Variants in ANKRD17 observed in about 807,000 individuals in gnomAD.
ANKRD17 encodes the protein ankyrin repeat domain 17, also known as ankyrin repeat domain-containing protein 17.
Under a neutral mutation model 229.7 loss-of-function variants are expected in ANKRD17, and 19 were observed. The observed-to-expected ratio is 0.08, with a 90% CI of 0.06 to 0.12. The LOEUF is 0.12. Among genes scored for constraint, ANKRD17 ranks in the 10% least tolerant of loss-of-function variants. The pLI is 1.00. For synonymous variants in ANKRD17, 1,112 were observed against 1,146.1 expected (o/e 0.97, Z 0.60); for missense variants, 2,176 against 3,176.8 (o/e 0.68, Z 7.57).
intron 1 of ANKRD17, among the ~76,000 whole-genome samples, chr4:73,256,329 A>G (rs926573897): frequency 3.3e-5 from 5 of 152,244 alleles, no homozygotes; most frequent in African/African-American, 7.2e-5. Context: ...GCAGCAGAAT[A>G]TCCCAGTAAG....
At chr4:73,211,601 CT>C (rs900067854) in intron 1 of ANKRD17, among the ~76,000 whole-genome samples, 18 of 152,154 alleles carry the variant, frequency 1.2e-4, no homozygotes, top group African/African-American at 3.6e-4. Flanking sequence ...AATCTCAGCA[CT>C]TTGGGAGGCC....
chr4:73,152,830 G>A (rs906617639), intron 6 of ANKRD17, among the ~76,000 whole-genome samples: 1 of 152,166 alleles, frequency 6.6e-6, no homozygotes, highest in Admixed American at 6.5e-5. Flanking sequence ...ACAGGATTGG[G>A]GAAGGGAACT....
At chr4:73,124,786 A>G in intron 18 of ANKRD17, 127 bp downstream of exon 18, 1 of 1,180,156 alleles carries the variant, frequency 8.5e-7, no homozygotes, top group Non-Finnish European at 1.2e-6. Context: ...GTTAATAGAT[A>G]ATAGTTTCAG....
chr4:73,174,153 T>C (rs1054082489), intron 2 of ANKRD17, among the ~76,000 whole-genome samples: 3 of 101,998 alleles, frequency 2.9e-5, no homozygotes, highest in Non-Finnish European at 7.1e-5. Flanking sequence ...AAACTACAGA[T>C]CCCTGATGAA....
At position 73,094,077 on chromosome 4, in the gene ANKRD17, G is replaced by A; in HGVS notation, c.5327+2C>T. 6.2e-7 allele frequency: 1 copy of A among 1,613,176 alleles called. No individual in the cohort carries two copies. The highest frequency in any genetic ancestry group is 1.1e-5 in the South Asian group (1 of 91,010). On this transcript the variant is annotated splice_donor_variant, in intron 28 of 33. Coordinates refer to ENST00000358602, the MANE Select transcript of ANKRD17 (RefSeq NM_032217.5). LOFTEE classifies it low-confidence loss of function (GC_TO_GT_DONOR). ...AAGAAAATGTAAGAGACAAAGTTTTGCCTTATAGTGATTATCCGGTCTCCA... is the reference window on the plus strand; with the variant it reads ...AAGAAAATGTAAGAGACAAAGTTTTACCTTATAGTGATTATCCGGTCTCCA...
chr4:73,209,406 C>A (rs546875959), intron 1 of ANKRD17, among the ~76,000 whole-genome samples: 130 of 152,214 alleles, frequency 8.5e-4, no homozygotes, highest in Middle Eastern at 6.8e-3. Flanking sequence ...ACACCACAGA[C>A]TGAAATTGAC....
rs1246392545 is a variant in ANKRD17 at position 73,075,795 on chromosome 4, C to CA, written c.*435dup. The CA allele has an allele frequency of 6.4e-6, 1 of 155,108 alleles. No homozygotes were observed. The highest frequency in any genetic ancestry group is 2.4e-5 in the African/African-American group (1 of 41,488). The allele number at this position is 155,108 out of a possible 1,614,324, so 9.6% of individuals were successfully genotyped here. On this transcript the variant is annotated 3_prime_UTR_variant, in exon 34 of 34. Transcript: ENST00000358602. ...ACATAAAGTAGAGCCTCTATACTGACATATTGAAATTTACTTTCTGCTTAG... is the reference window on the plus strand; with the variant it reads ...ACATAAAGTAGAGCCTCTATACTGACAATATTGAAATTTACTTTCTGCTTAG...
chr4:73,205,378 A>T (rs1229471269), intron 1 of ANKRD17, among the ~76,000 whole-genome samples: 5 of 152,194 alleles, frequency 3.3e-5, no homozygotes, highest in Admixed American at 1.3e-4. Flanking sequence ...CCAAAACTGC[A>T]TGACACTAGC....
intron 1 of ANKRD17, among the ~76,000 whole-genome samples, chr4:73,229,676 G>GAGAGA (rs1742864313): frequency 6.7e-6 from 1 of 149,952 alleles, no homozygotes; most frequent in Non-Finnish European, 1.5e-5. Flanking sequence ...AGGTGGAGAA[G>GAGAGA]AGAGAAGAAT....
intron 27 of ANKRD17, among the ~76,000 whole-genome samples, chr4:73,094,594 A>T (rs920948420): frequency 3.9e-5 from 6 of 151,954 alleles, no homozygotes. Flanking sequence ...CACGCTAATT[A>T]TGAAAACACC....
intron 1 of ANKRD17, among the ~76,000 whole-genome samples, chr4:73,220,006 T>TG (rs1419397419): frequency 6.6e-6 from 1 of 152,140 alleles, no homozygotes; most frequent in Non-Finnish European, 1.5e-5. Context: ...ATCTCTCAGT[T>TG]GTTTCATGTT....
intron 1 of ANKRD17, among the ~76,000 whole-genome samples, chr4:73,226,766 T>C (rs1030100700): frequency 2.6e-5 from 4 of 152,266 alleles, no homozygotes; most frequent in Non-Finnish European, 5.9e-5. Context: ...CAGGCTGGAA[T>C]GCAGTGGCGC....
At chr4:73,174,575 C>T (rs1334160703) in intron 2 of ANKRD17, among the ~76,000 whole-genome samples, 1 of 152,062 alleles carries the variant, frequency 6.6e-6, no homozygotes, top group Non-Finnish European at 1.5e-5. Flanking sequence ...ACTGCAAGTC[C>T]TAGCCAGAGC....
intron 31 of ANKRD17, 143 bp from the exon 32 acceptor site, chr4:73,077,676 C>T: frequency 1.4e-6 from 1 of 708,588 alleles, no homozygotes; most frequent in Non-Finnish European, 2.1e-6. Flanking sequence ...AGCAATATTT[C>T]CATGGTTTGT....
chr4:73,085,215 A>G (rs777757286), intron 30 of ANKRD17, 34 bp downstream of exon 30: 1 of 1,594,140 alleles, frequency 6.3e-7, no homozygotes, highest in East Asian at 2.2e-5. Context: ...AAACATATGC[A>G]GATTCTTATG....
chr4:73,191,379 GTGTGTGTA>G (rs1409861356), intron 1 of ANKRD17, among the ~76,000 whole-genome samples: 2 of 150,980 alleles, frequency 1.3e-5, no homozygotes, highest in Non-Finnish European at 3.0e-5. Flanking sequence ...GTGTGTGTGT[GTGTGTGTA>G]TCTCCAGATG....
At chr4:73,097,349 CCAATT>C in intron 26 of ANKRD17, 77 bp from the exon 27 acceptor site, 2 of 1,262,318 alleles carry the variant, frequency 1.6e-6, no homozygotes, top group Non-Finnish European at 2.1e-6. Flanking sequence ...AGTCTACTAC[CCAATT>C]TTTAAAAATT....
chr4:73,235,876 T>C (rs373047890), intron 1 of ANKRD17, among the ~76,000 whole-genome samples: 10 of 152,058 alleles, frequency 6.6e-5, no homozygotes, highest in Non-Finnish European at 1.3e-4. Context: ...CTTTTTTTTT[T>C]TGGTTTTAAT....
intron 3 of ANKRD17, among the ~76,000 whole-genome samples, chr4:73,156,510 G>A (rs1731680455): frequency 6.6e-6 from 1 of 152,176 alleles, no homozygotes; most frequent in Non-Finnish European, 1.5e-5. Flanking sequence ...TGTTGGGGAA[G>A]GGACCTGGTG....
Sources: allele counts gnomAD v4.1 joint callset (sites outside exome capture counted in the v4.1 genomes callset), GRCh38; gene constraint gnomAD v4.1.1; transcripts MANE v1.5; gene names NCBI Gene and HGNC (gene_info 2026-07-23, HGNC 2026-07-21).